The following AUTS2 variants were observed in gnomAD, a reference collection of about 807,000 sequenced individuals.
The protein encoded by AUTS2 is autism susceptibility gene 2 protein.
In AUTS2, 17 loss-of-function variants were observed where a neutral mutation model predicts 112.4. That is an observed-to-expected ratio of 0.15 (90% CI 0.10 to 0.23). The LOEUF is 0.23. Among genes scored for constraint, AUTS2 ranks in the 10% least tolerant of loss-of-function variants. The pLI is 1.00. For synonymous variants in AUTS2, 751 were observed against 702.7 expected (o/e 1.07, Z -1.09); for missense variants, 1,510 against 1,701.6 (o/e 0.89, Z 1.98).
chr7:70,695,445 C>G (rs1450818548), intron 5 of AUTS2, among the ~76,000 whole-genome samples: 1 of 152,230 alleles, frequency 6.6e-6, no homozygotes, highest in Non-Finnish European at 1.5e-5. Flanking sequence ...GATCCCGGCC[C>G]GCACCCGGTG....
At chr7:69,719,380 C>T (rs1798795075) in intron 1 of AUTS2, among the ~76,000 whole-genome samples, 1 of 152,060 alleles carries the variant, frequency 6.6e-6, no homozygotes, top group Non-Finnish European at 1.5e-5. Flanking sequence ...TATGATACAA[C>T]ATGAAGAAGG....
At chr7:70,396,801 A>G (rs998302102) in intron 4 of AUTS2, among the ~76,000 whole-genome samples, 3 of 152,154 alleles carry the variant, frequency 2.0e-5, no homozygotes, top group South Asian at 4.1e-4. Flanking sequence ...GTTGTTTACA[A>G]TTTTTGGTTA....
At chr7:70,291,978 T>C (rs1788728777) in intron 4 of AUTS2, 1 of 152,202 alleles carries the variant, frequency 6.6e-6, no homozygotes, top group Admixed American at 6.6e-5. Context: ...TTATATGTGG[T>C]GTCAGATTTT....
At chr7:70,499,990 G>A (rs186672480) in intron 5 of AUTS2, among the ~76,000 whole-genome samples, 25 of 152,182 alleles carry the variant, frequency 1.6e-4, no homozygotes, top group Admixed American at 9.8e-4. Context: ...TTTTCTGTAC[G>A]TGTGGAGTGC....
intron 14 of AUTS2, among the ~76,000 whole-genome samples, chr7:70,779,309 C>A (rs745546449): frequency 6.6e-6 from 1 of 152,186 alleles, no homozygotes; most frequent in Non-Finnish European, 1.5e-5. Context: ...TTTACGCATT[C>A]TTTTAGTCGT....
chr7:70,475,906 G>A (rs1365276291), intron 5 of AUTS2, among the ~76,000 whole-genome samples: 1 of 152,142 alleles, frequency 6.6e-6, no homozygotes, highest in Non-Finnish European at 1.5e-5. Flanking sequence ...GTGGGTGCCT[G>A]TAGTCCCAGC....
At chr7:70,369,733 A>C (rs1201519709) in intron 4 of AUTS2, among the ~76,000 whole-genome samples, 2 of 152,224 alleles carry the variant, frequency 1.3e-5, no homozygotes, top group Non-Finnish European at 2.9e-5. Flanking sequence ...GCATTGTGAC[A>C]AGGTACACTT....
intron 2 of AUTS2, among the ~76,000 whole-genome samples, chr7:70,039,778 C>G (rs1558413): frequency 0.37 from 56,227 of 151,994 alleles, 10,953 homozygotes; most frequent in African/African-American, 0.49. Flanking sequence ...TTTCACATGA[C>G]AGTGATACGA....
chr7:70,308,906 G>A (rs1353104896), intron 4 of AUTS2, among the ~76,000 whole-genome samples: 1 of 152,184 alleles, frequency 6.6e-6, no homozygotes, highest in African/African-American at 2.4e-5. Flanking sequence ...AGAGTGAAAT[G>A]GGGCATCGCC....
chr7:69,815,631 CA>C (rs1790725723), intron 1 of AUTS2, among the ~76,000 whole-genome samples: 1 of 152,146 alleles, frequency 6.6e-6, no homozygotes, highest in Non-Finnish European at 1.5e-5. Flanking sequence ...TCTCCTGCCT[CA>C]GCCTCCCAAG....
chr7:70,491,451 A>T (rs1333784201), intron 5 of AUTS2, among the ~76,000 whole-genome samples: 1 of 129,802 alleles, frequency 7.7e-6, no homozygotes, highest in African/African-American at 3.0e-5. Context: ...TATACACATA[A>T]TATATATGTT....
chr7:69,687,687 C>T (rs779622529), intron 1 of AUTS2, among the ~76,000 whole-genome samples: 2 of 151,964 alleles, frequency 1.3e-5, no homozygotes, highest in African/African-American at 2.4e-5. Context: ...GAATAATGAC[C>T]TTTCTCTCTC....
Position 69,990,067 on chromosome 7 carries a change from A to G in AUTS2, c.522+90569A>G, listed in dbSNP as rs929787784. Among the ~76,000 whole-genome samples, 7 of 152,320 alleles carry G rather than the reference A, an allele frequency of 4.6e-5. No individual in the cohort carries two copies. In the East Asian group the frequency reaches 9.7e-4, roughly 21 times the overall value. ...AATGGTTGGGGACCGCTGACATACA[A>G]GAAGAGTAATTCAAAAAACAGAAAT... On this transcript the variant is annotated intron_variant, in intron 2 of 18. Transcript: ENST00000342771.
At chr7:69,867,251 A>AT in intron 1 of AUTS2, among the ~76,000 whole-genome samples, 1 of 152,322 alleles carries the variant, frequency 6.6e-6, no homozygotes, top group Middle Eastern at 3.4e-3. Context: ...ATAGGCCTTG[A>AT]GGACTTGGTG....
At chr7:69,929,733 CTGTT>C (rs1339631254) in intron 2 of AUTS2, among the ~76,000 whole-genome samples, 1 of 152,188 alleles carries the variant, frequency 6.6e-6, no homozygotes, top group Non-Finnish European at 1.5e-5. Flanking sequence ...CTCTATTTAA[CTGTT>C]TGAACTTTTG....
intron 5 of AUTS2, among the ~76,000 whole-genome samples, chr7:70,507,416 G>A (rs1465804529): frequency 6.6e-6 from 1 of 152,118 alleles, no homozygotes; most frequent in Non-Finnish European, 1.5e-5. Flanking sequence ...TATCTGAGGT[G>A]CAGATGAGTG....
chr7:69,710,511 G>A (rs572195718), intron 1 of AUTS2, among the ~76,000 whole-genome samples: 12 of 152,290 alleles, frequency 7.9e-5, no homozygotes, highest in African/African-American at 2.6e-4. Flanking sequence ...CTTAGTCCTT[G>A]AGTACCTATC....
At chr7:70,725,517 C>T (rs76909467) in intron 6 of AUTS2, among the ~76,000 whole-genome samples, 1 of 152,194 alleles carries the variant, frequency 6.6e-6, no homozygotes, top group African/African-American at 2.4e-5. Context: ...AATGTACTTT[C>T]ATTTTTGCAA....
intron 2 of AUTS2, among the ~76,000 whole-genome samples, chr7:69,949,130 C>G (rs1453068369): frequency 6.6e-6 from 1 of 152,088 alleles, no homozygotes; most frequent in East Asian, 1.9e-4. Flanking sequence ...TTATTAGTCA[C>G]CTAGCCTTAT....
Sources: allele counts gnomAD v4.1 joint callset (sites outside exome capture counted in the v4.1 genomes callset), GRCh38; gene constraint gnomAD v4.1.1; transcripts MANE v1.5; gene names NCBI Gene and HGNC (gene_info 2026-07-23, HGNC 2026-07-21).